THRB: variants seen among roughly 807,000 people sequenced by gnomAD.
THRB encodes nuclear receptor subfamily 1 group A member 2.
A neutral mutation model predicts 47.8 loss-of-function variants in THRB; 12 were observed. That is an observed-to-expected ratio of 0.25 (90% CI 0.16 to 0.41). The LOEUF is 0.41. Ranked by LOEUF, THRB falls within the 10% of genes least tolerant of loss-of-function variation. The probability of loss-of-function intolerance (pLI) is 1.00; values close to 1 mark genes in which losing one functional copy is unlikely to be tolerated. For missense variants in THRB, 348 were observed against 589.2 expected (o/e 0.59, Z 4.24); for synonymous variants, 218 against 212.2 (o/e 1.03, Z -0.24).
At chr3:24,250,395 T>C (rs939438541) in intron 3 of THRB, among the ~76,000 whole-genome samples, 1 of 152,120 alleles carries the variant, frequency 6.6e-6, no homozygotes, top group Non-Finnish European at 1.5e-5. Flanking sequence ...CCAAGTAACA[T>C]AGTACTGAAA....
chr3:24,220,215 G>C lies in THRB; in HGVS notation c.22+8723C>G, dbSNP rs541315751. ...TTTAAAAAGCTCCTAGAGTGGCCAG[G>C]TGTGGTGGCTCATGCCTGTAATCCC... On this transcript the variant is annotated intron_variant, in intron 4 of 10. Coordinates refer to ENST00000646209, the MANE Select transcript of THRB (RefSeq NM_001354712.2). Among the ~76,000 whole-genome samples, 30 of 152,312 alleles carry C rather than the reference G, an allele frequency of 2.0e-4. No individual in the cohort carries two copies. The South Asian group carries it at 6.2e-3, about 32-fold the overall frequency.
intron 4 of THRB, among the ~76,000 whole-genome samples, chr3:24,193,261 C>T (rs2043565108): frequency 6.6e-6 from 1 of 152,176 alleles, no homozygotes; most frequent in Non-Finnish European, 1.5e-5. Context: ...AAGGTTAAGT[C>T]AGTGATTCTC....
chr3:24,123,032 T>A lies in THRB; in HGVS notation c.1238A>T (p.His413Leu). The change falls in exon 11 of 11, where the codon CAC (histidine) becomes CTC (leucine). Residue 413 changes from histidine (H) to leucine (L), a missense_variant. By Grantham distance (99) the His-to-Leu change is moderately conservative. Around this residue, in one of 5 missense-constraint regions of THRB, gnomAD observed 36 missense variants for 51.7 expected, o/e 0.70. Transcript: ENST00000646209. ...FEHYINYRKH[H>L]VTHFWPKLLM... ...GAGTTTTGGCCAAAAGTGTGTCACGTGGTGTTTTCGGTAATTGATATAGTG... is the reference window on the plus strand; with the variant it reads ...GAGTTTTGGCCAAAAGTGTGTCACGAGGTGTTTTCGGTAATTGATATAGTG... 6.2e-7 allele frequency: 1 copy of A among 1,614,178 alleles called. No homozygotes were observed.
At chr3:24,279,918 G>T (rs936211256) in intron 3 of THRB, among the ~76,000 whole-genome samples, 11 of 152,154 alleles carry the variant, frequency 7.2e-5, no homozygotes, top group African/African-American at 2.7e-4. Flanking sequence ...TGCTTCAGTA[G>T]AATTAGTTTC....
At chr3:24,441,672 C>T (rs2071537884) in intron 1 of THRB, among the ~76,000 whole-genome samples, 1 of 151,664 alleles carries the variant, frequency 6.6e-6, no homozygotes, top group East Asian at 1.9e-4. Flanking sequence ...ACCCATCCCG[C>T]TTGCCTACAC....
chr3:24,381,877 T>TTAGAAAAA (rs1322466304), intron 1 of THRB, among the ~76,000 whole-genome samples: 7 of 151,816 alleles, frequency 4.6e-5, no homozygotes, highest in Non-Finnish European at 8.8e-5. Context: ...GATACAATCT[T>TTAGAAAAA]TAGAAAAATA....
chr3:24,212,732 C>A (rs1485586335), intron 4 of THRB, among the ~76,000 whole-genome samples: 1 of 152,118 alleles, frequency 6.6e-6, no homozygotes, highest in Admixed American at 6.6e-5. Flanking sequence ...CAGCTGCTTT[C>A]CAGATAGTAC....
intron 3 of THRB, among the ~76,000 whole-genome samples, chr3:24,276,156 A>G (rs1187856924): frequency 2.0e-5 from 3 of 152,160 alleles, no homozygotes; most frequent in South Asian, 2.1e-4. Flanking sequence ...GTGTATGGCT[A>G]TGCTAAGTAG....
At chr3:24,267,960 A>G (rs1418022031) in intron 3 of THRB, among the ~76,000 whole-genome samples, 1 of 152,176 alleles carries the variant, frequency 6.6e-6, no homozygotes, top group East Asian at 1.9e-4. Flanking sequence ...TAAATTATGA[A>G]TTTCAGGGTC....
intron 3 of THRB, among the ~76,000 whole-genome samples, chr3:24,246,719 A>AAT (rs1485108351): frequency 2.0e-5 from 3 of 152,160 alleles, no homozygotes; most frequent in African/African-American, 7.2e-5. Context: ...TCCCTCAAAA[A>AAT]ATATAGTTTT....
chr3:24,336,216 G>T (rs1350786233), intron 2 of THRB, among the ~76,000 whole-genome samples: 2 of 152,204 alleles, frequency 1.3e-5, no homozygotes, highest in East Asian at 3.9e-4. Context: ...CCAGACAGGG[G>T]GCCCCAAGGG....
At chr3:24,284,847 G>A (rs2150895795) in intron 3 of THRB, among the ~76,000 whole-genome samples, 1 of 152,160 alleles carries the variant, frequency 6.6e-6, no homozygotes, top group Admixed American at 6.5e-5. Flanking sequence ...ACCATCACTG[G>A]CCATCAGAGA....
intron 6 of THRB, among the ~76,000 whole-genome samples, chr3:24,147,429 T>A (rs2036238491): frequency 6.6e-6 from 1 of 152,222 alleles, no homozygotes; most frequent in African/African-American, 2.4e-5. Context: ...AGTAGAACGC[T>A]CCAGGTTTTC....
intron 1 of THRB, among the ~76,000 whole-genome samples, chr3:24,373,891 G>A (rs1332553638): frequency 3.3e-5 from 5 of 152,106 alleles, no homozygotes; most frequent in Admixed American, 3.3e-4. Flanking sequence ...TAAGGCAAAC[G>A]CTAAGCTATC....
rs182187561 is a variant in THRB at position 24,264,402 on chromosome 3, G to A, written c.-43+32824C>T. On this transcript the variant is annotated intron_variant, in intron 3 of 10. Transcript: ENST00000646209. ...TACCTCTTAAATTTTTTGTTTGTTT[G>A]TTTGTTTTTCCTGAAAAGTTGCAGA... Among the ~76,000 whole-genome samples the A allele has an allele frequency of 3.2e-3, 486 of 152,168 alleles. 3 individuals are homozygous for A. Among genetic ancestry groups the A allele is most frequent in the Non-Finnish European group, 5.8e-3 (393 of 67,964 alleles).
intron 1 of THRB, among the ~76,000 whole-genome samples, chr3:24,437,621 G>A (rs149612213): frequency 7.4e-4 from 113 of 152,086 alleles, no homozygotes; most frequent in Non-Finnish European, 1.3e-3. Flanking sequence ...CGTATCAAAA[G>A]ACCACATGTA....
At chr3:24,303,402 A>T (rs1476609319) in intron 2 of THRB, among the ~76,000 whole-genome samples, 1 of 152,212 alleles carries the variant, frequency 6.6e-6, no homozygotes, top group Non-Finnish European at 1.5e-5. Flanking sequence ...AGCCTGCTGC[A>T]GGAAGAGAAT....
intron 2 of THRB, among the ~76,000 whole-genome samples, chr3:24,299,226 C>T (rs574561872): frequency 9.8e-4 from 117 of 119,446 alleles, no homozygotes; most frequent in South Asian, 3.0e-3. Flanking sequence ...CCAGCCTGGG[C>T]GACCGAGTGA....
intron 4 of THRB, among the ~76,000 whole-genome samples, chr3:24,201,767 G>A (rs1466756513): frequency 6.6e-6 from 1 of 152,072 alleles, no homozygotes; most frequent in African/African-American, 2.4e-5. Context: ...GGTTAGTTTG[G>A]TAAATTTGGT....
Sources: gnomAD v4.1 joint callset for allele counts (sites outside exome capture counted in the v4.1 genomes callset) on GRCh38, gnomAD v4.1.1 for gene constraint, gnomAD v4.1.1 regional missense constraint, MANE v1.5 for transcripts, NCBI Gene and HGNC (gene_info 2026-07-23, HGNC 2026-07-21) for gene names.